The following PSD3 variants were observed in gnomAD, a reference collection of about 807,000 sequenced individuals.
PSD3 encodes PH and SEC7 domain-containing protein 3.
In PSD3, 49 loss-of-function variants were observed where a neutral mutation model predicts 105.5. That is an observed-to-expected ratio of 0.46 (90% CI 0.37 to 0.59). PSD3 has a LOEUF of 0.59. Among genes scored for constraint, PSD3 ranks in the 20% least tolerant of loss-of-function variants. The pLI, the probability that PSD3 is intolerant of heterozygous loss-of-function variation, is 0.00. For synonymous variants in PSD3, 557 were observed against 457.8 expected (o/e 1.22, Z -2.77); for missense variants, 1,561 against 1,263.8 (o/e 1.24, Z -3.57).
At chr8:18,765,611 G>A in intron 8 of PSD3, 73 bp from the exon 9 acceptor site, 6 of 1,239,288 alleles carry the variant, frequency 4.8e-6, no homozygotes, top group Non-Finnish European at 1.2e-6. Flanking sequence ...ATATGATGAG[G>A]CAGACCAATA....
rs529742205 is a variant in PSD3, at chr8:18,975,172, G to C, written c.21+38391C>G. ...AGAGGAAAAGCTCAGAGCTATTAAGGAAAAGGTCTCTGCCTAGTCCCCCCG... is the reference window on the plus strand; with the variant it reads ...AGAGGAAAAGCTCAGAGCTATTAAGCAAAAGGTCTCTGCCTAGTCCCCCCG... On this transcript the variant is annotated intron_variant, in intron 1 of 15. Coordinates refer to ENST00000327040, the MANE Select transcript of PSD3 (RefSeq NM_015310.4). 3.9e-4 allele frequency among the ~76,000 whole-genome samples: 60 copies of C among 152,266 alleles called. 1 individual carries two copies. The South Asian group carries it at 4.8e-3, about 12-fold the overall frequency.
chr8:18,896,456 C>T (rs567220798), intron 2 of PSD3, among the ~76,000 whole-genome samples: 2 of 152,328 alleles, frequency 1.3e-5, no homozygotes, highest in African/African-American at 4.8e-5. Flanking sequence ...CTCTGTCGTT[C>T]AGGCTGCAGT....
chr8:19,074,611 A>ATATATATATATATTTTT (rs1324257417), intron 1 of PSD3, among the ~76,000 whole-genome samples: 4 of 24,226 alleles, frequency 1.7e-4, no homozygotes, highest in African/African-American at 4.8e-4. Context: ...ATATATATAT[A>ATATATATATATATTTTT]TTTTTTTTTT....
intron 9 of PSD3, among the ~76,000 whole-genome samples, chr8:18,708,372 A>G (rs1802027784): frequency 6.6e-6 from 1 of 152,130 alleles, no homozygotes; most frequent in Admixed American, 6.5e-5. Context: ...CTCTCTCTCC[A>G]CTTTCCACCT....
intron 4 of PSD3, among the ~76,000 whole-genome samples, chr8:18,866,747 G>C (rs142788938): frequency 9.8e-4 from 148 of 150,686 alleles, no homozygotes; most frequent in Admixed American, 2.8e-3. Flanking sequence ...CAAAAAGAGA[G>C]GTCCATTGAA....
chr8:18,626,992 C>T (rs933721691), intron 11 of PSD3, among the ~76,000 whole-genome samples: 6 of 151,986 alleles, frequency 3.9e-5, no homozygotes, highest in Admixed American at 6.6e-5. Context: ...GATCATGAAT[C>T]AGCTTAGTTC....
chr8:19,084,304 T>A (rs1403429768), exon 1 of PSD3: 1 of 456,262 alleles, frequency 2.2e-6, no homozygotes, highest in Admixed American at 2.3e-5. Flanking sequence ...TGCGCTGTGG[T>A]ACCTGTGGCC....
At chr8:18,701,071 T>G (rs984745894) in intron 9 of PSD3, among the ~76,000 whole-genome samples, 1 of 151,758 alleles carries the variant, frequency 6.6e-6, no homozygotes. Flanking sequence ...GCTTAAGCAA[T>G]CCTCTCACCC....
chr8:18,906,309 T>G (rs533337615), intron 2 of PSD3, among the ~76,000 whole-genome samples: 1 of 152,322 alleles, frequency 6.6e-6, no homozygotes, highest in East Asian at 1.9e-4. Context: ...ACTCACCTAA[T>G]AAATTTTCCT....
chr8:18,975,925 T>G (rs2129472354), intron 1 of PSD3, among the ~76,000 whole-genome samples: 1 of 152,334 alleles, frequency 6.6e-6, no homozygotes, highest in East Asian at 1.9e-4. Flanking sequence ...GTCAACCTAC[T>G]TTTATCATTC....
At chr8:19,077,640 C>G (rs1435906888) in intron 1 of PSD3, among the ~76,000 whole-genome samples, 1 of 152,114 alleles carries the variant, frequency 6.6e-6, no homozygotes, top group Admixed American at 6.5e-5. Context: ...TATCAGAGCT[C>G]TCTCAAACTT....
intron 9 of PSD3, among the ~76,000 whole-genome samples, chr8:18,761,672 C>G (rs1292648978): frequency 6.6e-6 from 1 of 152,150 alleles, no homozygotes; most frequent in Non-Finnish European, 1.5e-5. Flanking sequence ...CCTCTTTATT[C>G]ACGTCGTTAG....
intron 11 of PSD3, among the ~76,000 whole-genome samples, chr8:18,603,859 G>A (rs1343087332): frequency 6.6e-6 from 1 of 152,150 alleles, no homozygotes; most frequent in East Asian, 1.9e-4. Flanking sequence ...TTTCAGCTAT[G>A]ACTGTAAGTT....
rs145032533 is a variant in PSD3 at position 18,801,310 on chromosome 8, A to G, written c.1983T>C (p.Asn661=). 112 of 1,606,718 alleles carry G rather than the reference A, an allele frequency of 7.0e-5. No homozygotes were observed. In the East Asian group the frequency reaches 8.5e-4, roughly 12 times the overall value. The change falls in exon 7 of 16, where the codon AAT becomes AAC. Residue 661 remains asparagine, a synonymous_variant. Coordinates refer to ENST00000327040, the MANE Select transcript of PSD3 (RefSeq NM_015310.4). The part of the protein sequence containing the change: ...ERERVLIHFS[N]RYFYCNPDTI... ...TATCTGGGTTACAATAAAAATATCT[A>G]TTGGAGAAGTGTATTAAAACTCTCT...
rs143184246 is a variant in PSD3, at chr8:18,599,256, A to T, written c.2481+1108T>A. Among the ~76,000 whole-genome samples the T allele has an allele frequency of 8.0e-3, 1,222 of 152,292 alleles. 21 individuals carry two copies. Among genetic ancestry groups the T allele is most frequent in the African/African-American group, 0.028 (1,143 of 41,546 alleles). On this transcript the variant is annotated intron_variant, in intron 12 of 15. Transcript: ENST00000327040. The stretch of plus-strand genomic sequence containing the variant: ...GGAACACAGAGCTCAGACAAATTCA[A>T]CACATATATGGGGGGAAGCTGGAAC...
At chr8:18,691,102 T>A (rs987312970) in intron 9 of PSD3, among the ~76,000 whole-genome samples, 7 of 152,202 alleles carry the variant, frequency 4.6e-5, no homozygotes, top group African/African-American at 1.7e-4. Flanking sequence ...CGCTTTTGAT[T>A]CCATCTGTTC....
At chr8:18,567,831 C>T (rs1199047127) in intron 14 of PSD3, among the ~76,000 whole-genome samples, 1 of 152,178 alleles carries the variant, frequency 6.6e-6, no homozygotes, top group East Asian at 1.9e-4. Context: ...AGTTTGGATG[C>T]TTGTCCCCTC....
chr8:18,825,429 A>T (rs1813095508), intron 4 of PSD3, among the ~76,000 whole-genome samples: 1 of 152,190 alleles, frequency 6.6e-6, no homozygotes, highest in Non-Finnish European at 1.5e-5. Flanking sequence ...TGAGAATCAC[A>T]AATGGTCTAA....
chr8:18,984,873 A>C (rs1033568657), intron 1 of PSD3, among the ~76,000 whole-genome samples: 6 of 152,118 alleles, frequency 3.9e-5, no homozygotes, highest in Admixed American at 6.6e-5. Context: ...TAGATCCACC[A>C]ACTTAACCAG....
Sources: allele counts gnomAD v4.1 joint callset (sites outside exome capture counted in the v4.1 genomes callset), GRCh38; gene constraint gnomAD v4.1.1; transcripts MANE v1.5; gene names NCBI Gene and HGNC (gene_info 2026-07-23, HGNC 2026-07-21).